PKD1: variants seen among roughly 807,000 people sequenced by gnomAD.
PKD1 encodes the protein polycystin-1.
In PKD1, 81 loss-of-function variants were observed where a neutral mutation model predicts 361.7. The ratio of observed to expected loss-of-function variants is 0.22; its 90% CI spans 0.19 to 0.27. The LOEUF is 0.27. Ranked by LOEUF, PKD1 falls within the 10% of genes least tolerant of loss-of-function variation. The probability of loss-of-function intolerance (pLI) is 1.00; values close to 1 mark genes in which losing one functional copy is unlikely to be tolerated. For synonymous variants in PKD1, 3,615 were observed against 2,818.3 expected (o/e 1.28, Z -8.95); for missense variants, 6,399 against 6,118.3 (o/e 1.05, Z -1.53).
rs1474498140 is a variant in PKD1 at position 2,108,489 on chromosome 16, C to A, written c.6678G>T (p.Gly2226=). Residue 2226 remains glycine (G), a synonymous_variant, in exon 15 of 46, where the codon GGG becomes GGT. Transcript: ENST00000262304. ...ACACGACAAACACAAAGCAGTAGTG[C>A]CCCACAGGCAGCGCCAGCCGCGGCA... The part of the protein sequence containing the change: ...LVLPRLALPV[G]HYCFVFVVSF... 2 of 1,610,182 alleles carry A rather than the reference C, an allele frequency of 1.2e-6. No individual in the cohort carries two copies. Among genetic ancestry groups the A allele is most frequent in the South Asian group, 2.2e-5 (2 of 90,986 alleles).
Position 2,093,886 on chromosome 16 carries a change from CG to C in PKD1, c.10745del (p.Pro3582ArgfsTer3), listed in dbSNP as rs1555447011. The C allele has an allele frequency of 4.4e-6, 7 of 1,576,736 alleles. No homozygotes were observed. The highest frequency in any genetic ancestry group is 1.8e-5 in the Admixed American group (1 of 56,718). On this transcript the variant is annotated frameshift_variant, in exon 36 of 46. Coordinates refer to ENST00000262304, the MANE Select transcript of PKD1 (RefSeq NM_001009944.3). LOFTEE classifies it high-confidence loss of function. ...ACAGGAGCCACGCAACACTCACGCCCGGGGGGAAGCTCGCACCCACCCACCC... is the reference window on the plus strand; with the variant it reads ...ACAGGAGCCACGCAACACTCACGCCCGGGGGAAGCTCGCACCCACCCACCC... ...VSGWVGASFPPGVSVAWLLSS... is the reference protein window; with the variant it reads ...VSGWVGASFPXGVSVAWLLSS...
At chr16:2,092,399 G>T in intron 39 of PKD1, 81 bp downstream of exon 39, 1 of 1,070,796 alleles carries the variant, frequency 9.3e-7, no homozygotes, top group Non-Finnish European at 1.4e-6. Flanking sequence ...AGGGAGCAGG[G>T]CTGATGCCAG....
intron 14 of PKD1, among the ~76,000 whole-genome samples, 187 bp from the exon 15 acceptor site, chr16:2,112,058 C>T (rs980049359): frequency 2.6e-5 from 4 of 152,220 alleles, no homozygotes; most frequent in East Asian, 1.9e-4. Flanking sequence ...GGCTGCCTGG[C>T]GAGGACGGCA....
chr16:2,091,684 G>A lies in PKD1; in HGVS notation c.11538-87C>T, dbSNP rs546212886. ...AGTGCAGGCGTGGCTGAGGGGCTGT[G>A]GAAGCCGCCTAGGCCAGCGGGGGCC... On this transcript the variant is annotated intron_variant, in intron 41 of 45. Coordinates refer to ENST00000262304, the MANE Select transcript of PKD1 (RefSeq NM_001009944.3). The A allele has an allele frequency of 8.2e-5, 129 of 1,564,788 alleles. 3 individuals are homozygous for A. In the South Asian group the frequency reaches 1.2e-3, roughly 14 times the overall value.
chr16:2,100,342 A>G lies in PKD1; in HGVS notation c.9569-33T>C. On this transcript the variant is annotated intron_variant, in intron 27 of 45. Coordinates refer to ENST00000262304, the MANE Select transcript of PKD1 (RefSeq NM_001009944.3). This position sits in a 1 kb window ranked among gnomAD's most constrained non-coding sequence, Gnocchi z 4.4. ...GGCGCAGGAGGGAGGTCAGGCTCGC[A>G]GGGCGCCCCAATGCGGGGGCAGAGG... 6.2e-7 allele frequency: 1 copy of G among 1,610,362 alleles called. No individual in the cohort carries two copies. The highest frequency in any genetic ancestry group is 8.5e-7 in the Non-Finnish European group (1 of 1,179,276).
rs1166642512 is a variant in PKD1, at chr16:2,093,657, C to G, written c.10903G>C (p.Ala3635Pro). The G allele has an allele frequency of 3.1e-6, 5 of 1,608,180 alleles. 1 individual carries two copies. The South Asian group carries it at 5.6e-5, about 18-fold the overall frequency. Residue 3635 changes from alanine to proline, a missense_variant, in exon 37 of 46, where the codon GCT becomes CCT. By Grantham distance (27) the Ala-to-Pro change is conservative. Transcript: ENST00000262304. ...DEDDTLVESP[A>P]VTPVSARVPR... ...ACACGTGCGCTCACAGGCGTCACAG[C>G]CGGGCTCTCTACCAGGGTGTCATCT...
At position 2,102,414 on chromosome 16, in the gene PKD1, G is replaced by C. The variant is rs199787425; in HGVS notation, c.9168C>G (p.Phe3056Leu). ...CAAAGCGGACATGGCTTGGGGGCAC[G>C]AAGAGGCTGGCGCCGAAGGCGGTGA... is the stretch of plus-strand genomic sequence containing the variant. ...RHLTAFGASL[F>L]VPPSHVRFVF... The change falls in exon 25 of 46, where the codon TTC becomes TTG. Residue 3056 changes from phenylalanine to leucine, a missense_variant. By Grantham distance (22) the Phe-to-Leu change is conservative (BLOSUM62 0). Transcript: ENST00000262304. The C allele has an allele frequency of 1.9e-6, 3 of 1,553,790 alleles. No individual in the cohort carries two copies. The highest frequency in any genetic ancestry group is 1.7e-6 in the Non-Finnish European group (2 of 1,150,062).
rs144211349 is a variant in PKD1 at position 2,111,681 on chromosome 16, G to C, written c.3486C>G (p.Asp1162Glu). 7.8e-5 allele frequency: 123 copies of C among 1,578,972 alleles called. No individual in the cohort carries two copies. The African/African-American group carries it at 1.4e-3, about 18-fold the overall frequency. ...PSPGGVLYTWDFGDGSPVLTQ... is the reference protein window; with the variant it reads ...PSPGGVLYTWEFGDGSPVLTQ... Reference sequence around the variant, plus strand: ...TCAGGACAGGGGAGCCGTCCCCGAAGTCCCACGTGTAAAGAACACCCCCAG... The same window carrying C: ...TCAGGACAGGGGAGCCGTCCCCGAACTCCCACGTGTAAAGAACACCCCCAG... The change falls in exon 15 of 46, where the codon GAC (aspartate) becomes GAG (glutamate). Residue 1162 changes from aspartate (D) to glutamate (E), a missense_variant. Asp to Glu is a conservative substitution (Grantham distance 45, BLOSUM62 2). Transcript: ENST00000262304.
chr16:2,097,481 C>T lies in PKD1; in HGVS notation c.10243G>A (p.Glu3415Lys), dbSNP rs752880451. 22 of 1,602,228 alleles carry T rather than the reference C, an allele frequency of 1.4e-5. No individual in the cohort carries two copies. Among genetic ancestry groups the T allele is most frequent in the South Asian group, 5.5e-5 (5 of 91,018 alleles). Residue 3415 changes from glutamate (E) to lysine (K), a missense_variant, in exon 33 of 46, where the codon GAG (glutamate) becomes AAG (lysine). Glu to Lys is a moderately conservative substitution (Grantham distance 56, BLOSUM62 1). Coordinates refer to ENST00000262304, the MANE Select transcript of PKD1 (RefSeq NM_001009944.3). ...SKSLVCWPSG[E>K]GTLSWPDLLS... is the part of the protein sequence containing the mutation. Reference sequence around the variant, plus strand: ...AGGTCCGGCCAACTGAGCGTTCCCTCGCCGGAGGGCCAGCACACCAGACTG... The same window carrying T: ...AGGTCCGGCCAACTGAGCGTTCCCTTGCCGGAGGGCCAGCACACCAGACTG...
In PKD1 at chr16:2,090,803, G is replaced by A. The variant is rs1379633465; in HGVS notation, c.12009C>T (p.Ala4003=). 1.2e-6 allele frequency: 2 copies of A among 1,612,400 alleles called. No homozygotes were observed. The highest frequency in any genetic ancestry group is 1.1e-5 in the South Asian group (1 of 91,086). Residue 4003 remains alanine, a synonymous_variant, in exon 44 of 46, where the codon GCC becomes GCT. Coordinates refer to ENST00000262304, the MANE Select transcript of PKD1 (RefSeq NM_001009944.3). ...SLLFLLLVKA[A]QQLRFVRQWS... is the part of the protein sequence containing the mutation. ...ACTGGCGCACGAAGCGTAGCTGCTG[G>A]GCAGCCTGCGGACGAGAAATCTGTC...
At chr16:2,129,481 C>G (rs1160865706) in intron 1 of PKD1, among the ~76,000 whole-genome samples, 1 of 151,212 alleles carries the variant, frequency 6.6e-6, no homozygotes, top group Non-Finnish European at 1.5e-5. Flanking sequence ...CGACCATCTT[C>G]TCACACGCTG....
chr16:2,103,687 C>G lies in PKD1; in HGVS notation c.8370G>C (p.Pro2790=), dbSNP rs567922171. ...CGCCGCCATAGCACAGCAGGCTCCG[C>G]GGGTCCGAGCGCTTGCCCTGGGCCA... ...EIVAQGKRSD[P]RSLLCYGGAP... is the part of the protein sequence containing the mutation. The change falls in exon 23 of 46, where the codon CCG becomes CCC. Residue 2790 remains proline (P), a synonymous_variant. Transcript: ENST00000262304. 1.3e-5 allele frequency: 21 copies of G among 1,609,896 alleles called. No individual in the cohort carries two copies. In the Admixed American group the frequency reaches 2.7e-4, roughly 20 times the overall value.
chr16:2,107,389 G>A (rs1474817245), intron 16 of PKD1: 5 of 365,968 alleles, frequency 1.4e-5, no homozygotes, highest in East Asian at 6.9e-5. Context: ...CGACCCCTCT[G>A]GGAAGACCCC....
chr16:2,119,329 T>C lies in PKD1; in HGVS notation c.265A>G (p.Asn89Asp), dbSNP rs1287585087. The change falls in exon 2 of 46, where the codon AAC becomes GAC. Residue 89 changes from asparagine to aspartate, a missense_variant. Transcript: ENST00000262304. ...CACAGCTCTGCCAGCGCCGAGAGGT[T>C]CGCCAGGAGCCCAACGTCCAGCGCC... ...LRALDVGLLA[N>D]LSALAELDIS... 2.2e-6 allele frequency: 3 copies of C among 1,360,358 alleles called. No homozygotes were observed. The Admixed American group carries it at 5.9e-5, about 27-fold the overall frequency. The allele number at this position is 1,360,358 out of a possible 1,614,324, so 84.3% of individuals were successfully genotyped here. A position where few individuals can be genotyped will look rare whatever the true frequency, so the allele number is the denominator to read the frequency against.
intron 1 of PKD1, among the ~76,000 whole-genome samples, chr16:2,125,402 G>C (rs886303485): frequency 1.3e-5 from 2 of 152,148 alleles, no homozygotes; most frequent in Admixed American, 6.5e-5. Flanking sequence ...CCAGACACGG[G>C]GTGTGAGACT....
chr16:2,094,427 C>T (rs541426754), intron 34 of PKD1, among the ~76,000 whole-genome samples: 10 of 152,182 alleles, frequency 6.6e-5, no homozygotes, highest in Non-Finnish European at 1.2e-4. Context: ...CGTCCGCCTG[C>T]GTCCCTCTCC....
chr16:2,119,541 A>G, intron 1 of PKD1, 163 bp from the exon 2 acceptor site: 1 of 688,102 alleles, frequency 1.5e-6, no homozygotes, highest in Non-Finnish European at 2.6e-6. Context: ...GAAGACCCAA[A>G]TGAACACTCA....
chr16:2,093,704 G>T lies in PKD1; in HGVS notation c.10856C>A (p.Ala3619Asp). 1 of 1,597,086 alleles carries T rather than the reference G, an allele frequency of 6.3e-7. No homozygotes were observed. The highest frequency in any genetic ancestry group is 8.5e-7 in the Non-Finnish European group (1 of 1,171,470). The change falls in exon 37 of 46, where the codon GCC becomes GAC. Residue 3619 changes from alanine to aspartate, a missense_variant. Physicochemically the swap from Ala to Asp is moderately radical, Grantham distance 126. Coordinates refer to ENST00000262304, the MANE Select transcript of PKD1 (RefSeq NM_001009944.3). ...LLEALYFSLV[A>D]KRLHPDEDDT... ...ATCTTCATCCGGGTGCAGCCGCTTG[G>T]CCACCAGTGAGAAGTACAGGGCTTC...
intron 3 of PKD1, 54 bp downstream of exon 3, chr16:2,119,060 G>C (rs1305138618): frequency 3.8e-5 from 39 of 1,025,140 alleles, no homozygotes; most frequent in Admixed American, 2.7e-4. Context: ...GGGCAGAAGG[G>C]ATATTGGGGG....
Sources: allele counts gnomAD v4.1 joint callset (sites outside exome capture counted in the v4.1 genomes callset), GRCh38; gene constraint gnomAD v4.1.1; non-coding constraint Gnocchi (gnomAD v3.1); transcripts MANE v1.5; gene names NCBI Gene and HGNC (gene_info 2026-07-23, HGNC 2026-07-21).